Variants in PCDHGA4 observed in about 807,000 individuals in gnomAD.
PCDHGA4 encodes the protein protocadherin gamma subfamily A, 4.
PCDHGA4 carries 38 observed loss-of-function variants against 54.6 expected under a neutral mutation model. The observed-to-expected ratio is 0.70, with a 90% CI of 0.54 to 0.91. PCDHGA4 has a LOEUF of 0.91. Ranked by LOEUF, PCDHGA4 falls within the 40% of genes least tolerant of loss-of-function variation. The pLI, the probability that PCDHGA4 is intolerant of heterozygous loss-of-function variation, is 0.00. For missense variants in PCDHGA4, 1,298 were observed against 1,220.9 expected, an observed-to-expected ratio of 1.06 and a Z score of -0.94; for synonymous variants, 511 against 512.9, an observed-to-expected ratio of 1.00 and a Z score of 0.05.
Position 141,485,256 on chromosome 5 carries a change from G to A in PCDHGA4, c.2515-9551G>A, listed in dbSNP as rs770176450. The A allele has an allele frequency of 6.2e-7, 1 of 1,614,186 alleles. No homozygotes were observed. Among genetic ancestry groups the A allele is most frequent in the Non-Finnish European group, 8.5e-7 (1 of 1,179,996 alleles). On this transcript the variant is annotated intron_variant, in intron 1 of 3. Transcript: ENST00000571252. The surrounding 1 kb of genome is among the most constrained non-coding windows in gnomAD (Gnocchi z 5.7). ...CTCTTTTACCACCTGGGTTACGTTTGTGGGCAGATCCGCTACCCGGTCCCA... is the reference window on the plus strand; with the variant it reads ...CTCTTTTACCACCTGGGTTACGTTTATGGGCAGATCCGCTACCCGGTCCCA...
intron 1 of PCDHGA4, chr5:141,361,045 A>G (rs1055845568): frequency 3.1e-6 from 5 of 1,613,552 alleles, no homozygotes; most frequent in Non-Finnish European, 3.4e-6. Context: ...AATCACGACA[A>G]AGGATGATTT....
chr5:141,500,641 TA>T (rs1306300025), intron 2 of PCDHGA4, among the ~76,000 whole-genome samples: 4 of 152,346 alleles, frequency 2.6e-5, no homozygotes, highest in Middle Eastern at 3.4e-3. Flanking sequence ...ACTAGTTTTT[TA>T]AAAATAGCAA....
In PCDHGA4 at chr5:141,357,058, G is replaced by A. The variant is rs1167854077; in HGVS notation, c.1951G>A (p.Gly651Arg). 1 of 1,613,998 alleles carries A rather than the reference G, an allele frequency of 6.2e-7. No homozygotes were observed. The highest frequency in any genetic ancestry group is 1.7e-5 in the Admixed American group (1 of 60,028). Residue 651 changes from glycine (G) to arginine (R), a missense_variant, in exon 1 of 4, where the codon GGG becomes AGG. Transcript: ENST00000571252. ...CAGCGAGCCGGGACTATTTGCAGTGGGGCTGCACACAGGCGAGGTGCGCAC... is the reference window on the plus strand; with the variant it reads ...CAGCGAGCCGGGACTATTTGCAGTGAGGCTGCACACAGGCGAGGTGCGCAC... ...KSSEPGLFAV[G>R]LHTGEVRTAR... is the part of the protein sequence containing the mutation.
intron 1 of PCDHGA4, among the ~76,000 whole-genome samples, chr5:141,443,210 G>A (rs142248407): frequency 3.2e-4 from 49 of 151,888 alleles, no homozygotes; most frequent in African/African-American, 9.4e-4. Context: ...AGCTTGTCTC[G>A]CCAGGCGCAT....
intron 1 of PCDHGA4, chr5:141,405,635 C>T (rs539370352): frequency 1.3e-4 from 69 of 526,234 alleles, no homozygotes; most frequent in Non-Finnish European, 1.9e-4. Context: ...CCACCACGCC[C>T]GGCTAATTTT....
At position 141,357,307 on chromosome 5, in the gene PCDHGA4, G is replaced by A. The variant is rs764785344; in HGVS notation, c.2200G>A (p.Val734Ile). ...GGTGGCAGTGGCCGCTGTCTCCTGC[G>A]TCTTCCTGGCTTTTGTCACGGTGCT... ...LVVAVAAVSC[V>I]FLAFVTVLLA... is the part of the protein sequence containing the mutation. The change falls in exon 1 of 4, where the codon GTC becomes ATC. Residue 734 changes from valine to isoleucine, a missense_variant. Transcript: ENST00000571252. The A allele has an allele frequency of 3.7e-6, 6 of 1,614,042 alleles. No individual in the cohort carries two copies. The highest frequency in any genetic ancestry group is 2.2e-5 in the East Asian group (1 of 44,876).
At position 141,511,983 on chromosome 5, in the gene PCDHGA4, G is replaced by A. The variant is rs904146751; in HGVS notation, c.*810G>A. 6.5e-6 allele frequency: 1 copy of A among 153,280 alleles called. No homozygotes were observed. The highest frequency in any genetic ancestry group is 1.5e-5 in the Non-Finnish European group (1 of 68,572). The allele number at this position is 153,280 out of a possible 1,614,324, so 9.5% of individuals were successfully genotyped here. A position where few individuals can be genotyped will look rare whatever the true frequency, so the allele number is the denominator to read the frequency against. ...AGGGAAGTGTGTGGATGTGGATGGT[G>A]GGGGCATGGACAAAGCTTGACACAT... On this transcript the variant is annotated 3_prime_UTR_variant, in exon 4 of 4. Coordinates refer to ENST00000571252, the MANE Select transcript of PCDHGA4 (RefSeq NM_018917.4).
At chr5:141,418,068 C>T (rs1292846589) in intron 1 of PCDHGA4, 4 of 1,614,002 alleles carry the variant, frequency 2.5e-6, no homozygotes, top group Non-Finnish European at 3.4e-6. Flanking sequence ...CGAGTGAGCG[C>T]GGAGAAGCTG....
rs1304970044 is a variant in PCDHGA4, at chr5:141,355,104, G to C, written c.-4G>C. On this transcript the variant is annotated 5_prime_UTR_variant, in exon 1 of 4. Coordinates refer to ENST00000571252, the MANE Select transcript of PCDHGA4 (RefSeq NM_018917.4). ...AGCGGAAGCCCTGAGAGCTCTGGCT[G>C]TGAATGCACTTTATTTTGGACCCAG... 6.6e-7 allele frequency: 1 copy of C among 1,504,756 alleles called. No individual in the cohort carries two copies. The highest frequency in any genetic ancestry group is 1.4e-5 in the African/African-American group (1 of 71,402). 93.2% of individuals were successfully genotyped at this position (1,504,756 alleles called of 1,614,324 possible).
chr5:141,394,588 T>C, intron 1 of PCDHGA4: 5 of 1,613,660 alleles, frequency 3.1e-6, no homozygotes, highest in Non-Finnish European at 4.2e-6. Flanking sequence ...ACCAAGGTGG[T>C]GGCGGTGGAC....
chr5:141,360,660 C>T (rs530891991), intron 1 of PCDHGA4: 14 of 1,613,850 alleles, frequency 8.7e-6, no homozygotes, highest in Admixed American at 3.3e-5. Flanking sequence ...TTAATGACAA[C>T]GAGTACTTTG....
intron 1 of PCDHGA4, among the ~76,000 whole-genome samples, chr5:141,438,611 TATATATATATATATATATATATATAC>T (rs1451681129): frequency 0.1 from 4,016 of 39,372 alleles, 166 homozygotes; most frequent in Middle Eastern, 0.18. Context: ...TATATATATA[TATATATATATATATATATATATATAC>T]ACACACACAC....
Position 141,432,046 on chromosome 5 carries a change from C to G in PCDHGA4, c.2515-62761C>G, listed in dbSNP as rs1389286417. The G allele has an allele frequency of 6.2e-7, 1 of 1,614,224 alleles. No individual in the cohort carries two copies. The highest frequency in any genetic ancestry group is 2.2e-5 in the East Asian group (1 of 44,886). The stretch of plus-strand genomic sequence containing the variant: ...CAGTGACCGCCACTGACCGGGGAAC[C>G]CCGCCCCTATCCACGGAAACTCATA... On this transcript the variant is annotated intron_variant, in intron 1 of 3. Coordinates refer to ENST00000571252, the MANE Select transcript of PCDHGA4 (RefSeq NM_018917.4). This position sits in a 1 kb window ranked among gnomAD's most constrained non-coding sequence, Gnocchi z 6.0.
rs756094875 is a variant in PCDHGA4 at position 141,419,594 on chromosome 5, C to T, written c.2514+61973C>T. 2.6e-5 allele frequency: 42 copies of T among 1,611,572 alleles called. No homozygotes were observed. Among genetic ancestry groups the T allele is most frequent in the Admixed American group, 3.3e-5 (2 of 59,964 alleles). ...CGGCTCCGCGCTCTTCGACACAGTG[C>T]CGCGGGCCGCGCAGCCAGGCTACCT... On this transcript the variant is annotated intron_variant, in intron 1 of 3. Transcript: ENST00000571252.
chr5:141,407,868 A>AAT (rs1474357780), intron 1 of PCDHGA4, among the ~76,000 whole-genome samples: 1 of 152,242 alleles, frequency 6.6e-6, no homozygotes, highest in Admixed American at 6.5e-5. Context: ...ATTTTCGAAG[A>AAT]ATATATACAT....
chr5:141,382,495 A>G (rs1778251368), intron 1 of PCDHGA4, among the ~76,000 whole-genome samples: 1 of 152,272 alleles, frequency 6.6e-6, no homozygotes, highest in African/African-American at 2.4e-5. Context: ...ACACCGGTCC[A>G]TGAACACTGT....
At chr5:141,433,096 C>A in intron 1 of PCDHGA4, 3 of 1,614,118 alleles carry the variant, frequency 1.9e-6, no homozygotes, top group Non-Finnish European at 2.5e-6. Context: ...CAGACATGCT[C>A]GTCAGCCAGG....
At chr5:141,509,334 G>A (rs1184232270) in intron 3 of PCDHGA4, among the ~76,000 whole-genome samples, 1 of 152,186 alleles carries the variant, frequency 6.6e-6, no homozygotes, top group Non-Finnish European at 1.5e-5. Flanking sequence ...ACTGCCAGCT[G>A]GGCCTGGGCT....
intron 1 of PCDHGA4, among the ~76,000 whole-genome samples, chr5:141,463,861 A>G (rs1308802167): frequency 1.3e-5 from 2 of 152,340 alleles, no homozygotes; most frequent in East Asian, 1.9e-4. Context: ...ATCTGGTTTC[A>G]CATGACTGAA....
Sources: allele counts gnomAD v4.1 joint callset (sites outside exome capture counted in the v4.1 genomes callset), GRCh38; gene constraint gnomAD v4.1.1; non-coding constraint Gnocchi (gnomAD v3.1); transcripts MANE v1.5; gene names NCBI Gene and HGNC (gene_info 2026-07-23, HGNC 2026-07-21).